TEX10: variants seen among roughly 807,000 people sequenced by gnomAD.
TEX10 encodes the protein testis-expressed protein 10.
Under a neutral mutation model 104.4 loss-of-function variants are expected in TEX10, and 24 were observed. That is an observed-to-expected ratio of 0.23 (90% CI 0.17 to 0.32). The LOEUF (loss-of-function observed/expected upper bound fraction) is 0.32. Among genes scored for constraint, TEX10 ranks in the 10% least tolerant of loss-of-function variants. TEX10 has a pLI of 1.00. For missense variants in TEX10, 921 were observed against 1,083.9 expected (o/e 0.85, Z 2.11); for synonymous variants, 396 against 393.4 (o/e 1.01, Z -0.08).
At chr9:100,325,200 C>T (rs1171130337) in intron 9 of TEX10, among the ~76,000 whole-genome samples, 2 of 152,122 alleles carry the variant, frequency 1.3e-5, no homozygotes, top group South Asian at 2.1e-4. Flanking sequence ...GGGATCTATA[C>T]AAGAAAAGTT....
chr9:100,310,433 C>A, intron 11 of TEX10, 54 bp from the exon 12 acceptor site: 1 of 1,469,396 alleles, frequency 6.8e-7, no homozygotes, highest in South Asian at 1.2e-5. Flanking sequence ...AGATCAGAAA[C>A]AAGTTCAACA....
chr9:100,319,104 A>C (rs1479420227), intron 11 of TEX10, among the ~76,000 whole-genome samples: 3 of 152,090 alleles, frequency 2.0e-5, no homozygotes, highest in African/African-American at 7.2e-5. Context: ...AGGCAGGAGA[A>C]TCGCTTAAAC....
At chr9:100,304,163 G>A in intron 13 of TEX10, 1 of 359,454 alleles carries the variant, frequency 2.8e-6, no homozygotes, top group Non-Finnish European at 5.3e-6. Flanking sequence ...TGTTAAAATG[G>A]CCACACTGCT....
intron 5 of TEX10, among the ~76,000 whole-genome samples, chr9:100,336,761 T>C (rs1379124850): frequency 1.3e-5 from 2 of 152,154 alleles, no homozygotes; most frequent in African/African-American, 4.8e-5. Flanking sequence ...AGCAAAATGG[T>C]TGGGGACCGT....
At chr9:100,321,164 C>A (rs950469392) in intron 10 of TEX10, among the ~76,000 whole-genome samples, 5 of 152,180 alleles carry the variant, frequency 3.3e-5, no homozygotes, top group Non-Finnish European at 5.9e-5. Flanking sequence ...CAAATGTATA[C>A]ATTCATAAAT....
chr9:100,346,007 C>T lies in TEX10; in HGVS notation c.1137+65G>A, dbSNP rs540002825. ...CCAATTAGTAGTAATGAGCTGATTT[C>T]GAATCTTGCCATTTATGATAAAAGG... On this transcript the variant is annotated intron_variant, in intron 4 of 14. Coordinates refer to ENST00000374902, the MANE Select transcript of TEX10 (RefSeq NM_017746.4). The T allele has an allele frequency of 1.3e-4, 201 of 1,518,142 alleles. 1 individual carries two copies. The highest frequency in any genetic ancestry group is 2.3e-4 in the Admixed American group (11 of 46,816). 94.0% of individuals were successfully genotyped at this position (1,518,142 alleles called of 1,614,324 possible).
chr9:100,332,195 GT>G (rs1197881437), intron 5 of TEX10, among the ~76,000 whole-genome samples: 5 of 152,156 alleles, frequency 3.3e-5, no homozygotes, highest in Non-Finnish European at 7.4e-5. Flanking sequence ...TGGGAAATCT[GT>G]TTTTTATTTT....
intron 4 of TEX10, among the ~76,000 whole-genome samples, chr9:100,344,134 T>G (rs894413672): frequency 1.3e-5 from 2 of 152,222 alleles, no homozygotes; most frequent in Non-Finnish European, 2.9e-5. Context: ...AATTAGAGCA[T>G]TCTACCAGTG....
intron 9 of TEX10, among the ~76,000 whole-genome samples, chr9:100,322,403 C>T (rs1357140635): frequency 6.6e-6 from 1 of 152,114 alleles, no homozygotes; most frequent in Non-Finnish European, 1.5e-5. Context: ...TTTCTAGTGT[C>T]TCCTTTAAAA....
rs1587735487 is a variant in TEX10 at position 100,336,143 on chromosome 9, G to A, written c.1250+4114C>T. Among the ~76,000 whole-genome samples the A allele has an allele frequency of 2.0e-5, 3 of 151,906 alleles. No homozygotes were observed. The East Asian group carries it at 5.8e-4, about 29-fold the overall frequency. ...GATAGTGCCACTGCACTCCAGCCTG[G>A]GCAACAAGAATGAAACTCCATCTCA... is the stretch of plus-strand genomic sequence containing the variant. On this transcript the variant is annotated intron_variant, in intron 5 of 14. Coordinates refer to ENST00000374902, the MANE Select transcript of TEX10 (RefSeq NM_017746.4).
chr9:100,352,458 GA>G (rs757374776), intron 1 of TEX10: 12 of 1,551,598 alleles, frequency 7.7e-6, no homozygotes, highest in African/African-American at 1.4e-5. Context: ...TACTCCAAGG[GA>G]CGCCGGCCAG....
Position 100,349,367 on chromosome 9 carries a change from C to T in TEX10, c.-4G>A, listed in dbSNP as rs1442241441. 1.0e-5 allele frequency: 16 copies of T among 1,560,314 alleles called. No homozygotes were observed. Among genetic ancestry groups the T allele is most frequent in the South Asian group, 1.2e-5 (1 of 82,182 alleles). Reference sequence around the variant, plus strand: ...GGCGTTTTCTTTTTTTAGTCATTCTCGACTACTATAATGAAAAGAATTAAT... The same window carrying T: ...GGCGTTTTCTTTTTTTAGTCATTCTTGACTACTATAATGAAAAGAATTAAT... On this transcript the variant is annotated 5_prime_UTR_variant, in exon 2 of 15. Coordinates refer to ENST00000374902, the MANE Select transcript of TEX10 (RefSeq NM_017746.4).
intron 7 of TEX10, 108 bp downstream of exon 7, chr9:100,329,032 A>G: frequency 8.2e-7 from 1 of 1,225,268 alleles, no homozygotes; most frequent in Non-Finnish European, 1.1e-6. Context: ...GTAGGATTAA[A>G]AAGAATGAAC....
intron 1 of TEX10, among the ~76,000 whole-genome samples, chr9:100,350,341 T>C (rs900216828): frequency 2.6e-5 from 4 of 152,220 alleles, no homozygotes; most frequent in Admixed American, 6.5e-5. Context: ...CAGCTCTCTC[T>C]GAACACAGAT....
At chr9:100,351,980 A>C (rs1480850273) in intron 1 of TEX10, among the ~76,000 whole-genome samples, 1 of 151,644 alleles carries the variant, frequency 6.6e-6, no homozygotes, top group Non-Finnish European at 1.5e-5. Context: ...GATCCCCAAT[A>C]GTTTCAAAGC....
chr9:100,345,847 A>T (rs370698165), intron 4 of TEX10, among the ~76,000 whole-genome samples: 1 of 144,534 alleles, frequency 6.9e-6, no homozygotes, highest in South Asian at 2.3e-4. Context: ...GGAACCAAGC[A>T]TGAGTTACGC....
intron 1 of TEX10, among the ~76,000 whole-genome samples, chr9:100,349,757 A>G (rs577426382): frequency 1.8e-4 from 27 of 152,254 alleles, no homozygotes; most frequent in Non-Finnish European, 1.3e-4. Context: ...GCTTCGTAAG[A>G]GCCTCGGAGG....
intron 11 of TEX10, among the ~76,000 whole-genome samples, chr9:100,316,979 TG>T (rs1834438270): frequency 7.1e-6 from 1 of 141,544 alleles, no homozygotes; most frequent in Non-Finnish European, 1.5e-5. Flanking sequence ...AAAACACTGA[TG>T]AAAGAAAATG....
intron 11 of TEX10, among the ~76,000 whole-genome samples, chr9:100,318,979 G>T (rs1046484552): frequency 6.6e-6 from 1 of 151,918 alleles, no homozygotes; most frequent in African/African-American, 2.4e-5. Context: ...ATCACCTGAG[G>T]TTAGGAATTC....
Sources: allele counts gnomAD v4.1 joint callset (sites outside exome capture counted in the v4.1 genomes callset), GRCh38; gene constraint gnomAD v4.1.1; transcripts MANE v1.5; gene names NCBI Gene and HGNC (gene_info 2026-07-23, HGNC 2026-07-21).